Variants in CDC20B observed in about 807,000 individuals in gnomAD.
CDC20B encodes cell division cycle protein 20 homolog B.
In CDC20B, 58 loss-of-function variants were observed where a neutral mutation model predicts 64.1. The observed-to-expected ratio is 0.90, with a 90% confidence interval of 0.73 to 1.13. The LOEUF (loss-of-function observed/expected upper bound fraction) is 1.13, where lower values mean the gene tolerates loss of function less well. Among genes scored for constraint, CDC20B ranks in the 50% most tolerant of loss-of-function variants. The probability of loss-of-function intolerance (pLI) is 0.00; values close to 1 mark genes in which losing one functional copy is unlikely to be tolerated. For missense variants in CDC20B, 597 were observed against 633.0 expected (o/e 0.94, Z 0.61); for synonymous variants, 243 against 230.6 (o/e 1.05, Z -0.49).
At chr5:55,143,670 T>C in intron 3 of CDC20B, 27 bp from the exon 4 acceptor site, 1 of 1,558,696 alleles carries the variant, frequency 6.4e-7, no homozygotes, top group Non-Finnish European at 8.7e-7. Flanking sequence ...TATCTTTGAA[T>C]TTGGTTTTTA....
Position 55,114,023 on chromosome 5 carries a change from A to G in CDC20B, c.*195T>C. 1 of 956,626 alleles carries G rather than the reference A, an allele frequency of 1.0e-6. No homozygotes were observed. Among genetic ancestry groups the G allele is most frequent in the Non-Finnish European group, 1.5e-6 (1 of 684,706 alleles). The allele number at this position is 956,626 out of a possible 1,614,324, so 59.3% of individuals were successfully genotyped here. Reference sequence around the variant, plus strand: ...AAGAGGGGCAGAAAGAAGAAAGCAGAGAAGAAAAGAAGCGGATCTCTGGGA... The same window carrying G: ...AAGAGGGGCAGAAAGAAGAAAGCAGGGAAGAAAAGAAGCGGATCTCTGGGA... On this transcript the variant is annotated 3_prime_UTR_variant, in exon 12 of 12. Coordinates refer to ENST00000381375, the MANE Select transcript of CDC20B (RefSeq NM_001170402.1). The surrounding 1 kb of genome is among the most constrained non-coding windows in gnomAD (Gnocchi z 4.1).
chr5:55,170,569 T>A (rs757004905), intron 2 of CDC20B: 2 of 534,840 alleles, frequency 3.7e-6, no homozygotes, highest in South Asian at 2.8e-5. Flanking sequence ...TGTTAGCCGA[T>A]GCCATTCACA....
chr5:55,138,732 TAA>T (rs370900103), intron 5 of CDC20B, among the ~76,000 whole-genome samples: 15 of 135,904 alleles, frequency 1.1e-4, no homozygotes, highest in Admixed American at 2.2e-4. Flanking sequence ...CAGGATGCTG[TAA>T]AAAAAAAAAA....
intron 2 of CDC20B, among the ~76,000 whole-genome samples, chr5:55,150,104 C>T (rs1285757090): frequency 6.6e-6 from 1 of 151,960 alleles, no homozygotes; most frequent in Non-Finnish European, 1.5e-5. Flanking sequence ...TGCACTCCAG[C>T]CTGGGCAACA....
intron 6 of CDC20B, 39 bp from the exon 7 acceptor site, chr5:55,128,656 C>A: frequency 7.1e-7 from 1 of 1,405,552 alleles, no homozygotes; most frequent in Non-Finnish European, 9.4e-7. Flanking sequence ...AATTATACAG[C>A]CACATGAAAA....
At chr5:55,164,867 T>C (rs1379752004) in intron 2 of CDC20B, 2 of 152,230 alleles carry the variant, frequency 1.3e-5, no homozygotes, top group African/African-American at 4.8e-5. Flanking sequence ...CATATATAAA[T>C]AGTCATTTAT....
At chr5:55,128,711 AC>A in intron 6 of CDC20B, 94 bp from the exon 7 acceptor site, 1 of 876,834 alleles carries the variant, frequency 1.1e-6, no homozygotes, top group Non-Finnish European at 1.6e-6. Context: ...AAAGAATAAT[AC>A]CATCCCCATG....
intron 11 of CDC20B, among the ~76,000 whole-genome samples, chr5:55,116,698 T>C (rs1299969431): frequency 6.6e-6 from 1 of 152,234 alleles, no homozygotes; most frequent in Non-Finnish European, 1.5e-5. Context: ...AAGAAAAGTC[T>C]ATTCAACAAA....
At chr5:55,169,476 T>C (rs1744518414) in intron 2 of CDC20B, among the ~76,000 whole-genome samples, 1 of 152,240 alleles carries the variant, frequency 6.6e-6, no homozygotes. Flanking sequence ...CACATATCTA[T>C]GCTACTTCGT....
chr5:55,156,890 A>C (rs1338005268), intron 2 of CDC20B, among the ~76,000 whole-genome samples: 1 of 152,144 alleles, frequency 6.6e-6, no homozygotes, highest in Non-Finnish European at 1.5e-5. Flanking sequence ...TAATAATAAT[A>C]AATAAAAAAA....
In CDC20B at chr5:55,172,931, TACTC is replaced by T. The variant is rs778464071; in HGVS notation, c.63+3_63+6del. The T allele has an allele frequency of 1.0e-5, 16 of 1,600,490 alleles. No homozygotes were observed. The Admixed American group carries it at 1.5e-4, about 15-fold the overall frequency. ...TTAGGGAGAATGCAGAAAAGGGTGT[TACTC>T]ACCCACAGCATCTCCTCTTCCGTGC... On this transcript the variant is annotated splice_donor_5th_base_variant and intron_variant, in intron 1 of 11. Coordinates refer to ENST00000381375, the MANE Select transcript of CDC20B (RefSeq NM_001170402.1).
chr5:55,117,758 A>G (rs1418230265), intron 11 of CDC20B, among the ~76,000 whole-genome samples: 2 of 152,194 alleles, frequency 1.3e-5, no homozygotes, highest in East Asian at 1.9e-4. Flanking sequence ...AACAAATGCT[A>G]TCACCTTCTC....
intron 9 of CDC20B, among the ~76,000 whole-genome samples, chr5:55,122,501 C>CAA (rs1742783487): frequency 6.6e-6 from 1 of 152,166 alleles, no homozygotes; most frequent in Non-Finnish European, 1.5e-5. Flanking sequence ...CACTGTCTTT[C>CAA]ATCCAACAAG....
chr5:55,151,687 C>T (rs1292510331), intron 2 of CDC20B, among the ~76,000 whole-genome samples: 1 of 152,138 alleles, frequency 6.6e-6, no homozygotes, highest in Non-Finnish European at 1.5e-5. Flanking sequence ...CTCTGTCCAC[C>T]CCAAATGTTT....
At chr5:55,134,148 T>C (rs75361334) in intron 5 of CDC20B, among the ~76,000 whole-genome samples, 1,662 of 152,278 alleles carry the variant, frequency 0.011, 9 homozygotes, top group Non-Finnish European at 0.018. Flanking sequence ...CAAAAGACCA[T>C]ACTAAGTTCA....
intron 6 of CDC20B, among the ~76,000 whole-genome samples, chr5:55,129,658 A>G (rs1742979863): frequency 6.6e-6 from 1 of 152,238 alleles, no homozygotes; most frequent in Non-Finnish European, 1.5e-5. Flanking sequence ...AGAGACTCAA[A>G]TCACCTTAGT....
chr5:55,164,209 G>A, intron 2 of CDC20B: 1 of 1,536,948 alleles, frequency 6.5e-7, no homozygotes, highest in Non-Finnish European at 8.8e-7. Context: ...AAAAGAAAGA[G>A]GATCTATGAG....
rs915433826 is a variant in CDC20B at position 55,158,756 on chromosome 5, T to A, written c.127-11900A>T. Among the ~76,000 whole-genome samples, 3 of 152,160 alleles carry A rather than the reference T, an allele frequency of 2.0e-5. No individual in the cohort carries two copies. The East Asian group carries it at 5.8e-4, about 29-fold the overall frequency. ...AGAGCAGAATTGAAAGTGAATGGCT[T>A]TTAGGATATACAGCCCTCAATTGCC... On this transcript the variant is annotated intron_variant, in intron 2 of 11. Coordinates refer to ENST00000381375, the MANE Select transcript of CDC20B (RefSeq NM_001170402.1).
chr5:55,119,483 C>T (rs1324065589), intron 11 of CDC20B, among the ~76,000 whole-genome samples: 2 of 152,174 alleles, frequency 1.3e-5, no homozygotes, highest in East Asian at 1.9e-4. Context: ...ACCCATTCTA[C>T]ACCGCTGGTT....
Sources: allele counts gnomAD v4.1 joint callset (sites outside exome capture counted in the v4.1 genomes callset), GRCh38; gene constraint gnomAD v4.1.1; non-coding constraint Gnocchi (gnomAD v3.1); transcripts MANE v1.5; gene names NCBI Gene and HGNC (gene_info 2026-07-23, HGNC 2026-07-21).